Variants in FSTL5 observed in about 807,000 individuals in gnomAD.
FSTL5 encodes follistatin-related protein 5.
In FSTL5, 62 loss-of-function variants were observed where a neutral mutation model predicts 89.1. That is an observed-to-expected ratio of 0.70 (90% CI 0.57 to 0.86). The LOEUF is 0.86. Ranked by LOEUF, FSTL5 falls within the 40% of genes least tolerant of loss-of-function variation. The probability of loss-of-function intolerance (pLI) is 0.00; values close to 1 mark genes in which losing one functional copy is unlikely to be tolerated. For synonymous variants in FSTL5, 383 were observed against 346.2 expected, an observed-to-expected ratio of 1.11 and a Z score of -1.18; for missense variants, 1,057 against 1,001.6, an observed-to-expected ratio of 1.06 and a Z score of -0.75.
At chr4:162,138,436 G>A (rs1351255034) in intron 1 of FSTL5, among the ~76,000 whole-genome samples, 10 of 151,996 alleles carry the variant, frequency 6.6e-5, no homozygotes, top group Admixed American at 1.3e-4. Context: ...TAAAGTCAAC[G>A]TATGATAAAC....
At chr4:161,800,987 G>A (rs1729773581) in intron 4 of FSTL5, among the ~76,000 whole-genome samples, 1 of 151,500 alleles carries the variant, frequency 6.6e-6, no homozygotes, top group Non-Finnish European at 1.5e-5. Context: ...GAGTTTGGAA[G>A]TACTAGGAAC....
chr4:162,013,149 C>A (rs1359333402), intron 3 of FSTL5, among the ~76,000 whole-genome samples: 1 of 151,422 alleles, frequency 6.6e-6, no homozygotes, highest in Non-Finnish European at 1.5e-5. Context: ...TTGCACTGCA[C>A]ATTCCAGCCT....
rs151203693 is a variant in FSTL5 at position 161,800,115 on chromosome 4, C to A, written c.410-24041G>T. On this transcript the variant is annotated intron_variant, in intron 4 of 15. Transcript: ENST00000306100. ...TGTGGTAAGATTCCTTTCTCATCTT[C>A]ATCCTGACTGCTTAGTTCTAAGTTT... Among the ~76,000 whole-genome samples the A allele has an allele frequency of 4.0e-3, 605 of 151,780 alleles. 1 individual carries two copies. Among genetic ancestry groups the A allele is most frequent in the Middle Eastern group, 0.01 (3 of 294 alleles).
chr4:161,437,788 G>C (rs902677190), intron 15 of FSTL5, among the ~76,000 whole-genome samples: 4 of 152,086 alleles, frequency 2.6e-5, no homozygotes, highest in African/African-American at 9.7e-5. Flanking sequence ...ATGGTGGATG[G>C]ATTTTCCACA....
intron 10 of FSTL5, among the ~76,000 whole-genome samples, chr4:161,517,476 G>A (rs1730881365): frequency 6.6e-6 from 1 of 152,094 alleles, no homozygotes; most frequent in African/African-American, 2.4e-5. Flanking sequence ...ATGCCTGACA[G>A]GAGTGACTGA....
At chr4:161,778,371 A>G (rs1416206224) in intron 4 of FSTL5, among the ~76,000 whole-genome samples, 3 of 152,166 alleles carry the variant, frequency 2.0e-5, no homozygotes, top group Admixed American at 2.0e-4. Flanking sequence ...AAAAATCCTA[A>G]CTTTATAATT....
chr4:161,419,904 T>C (rs1033861561), intron 15 of FSTL5, among the ~76,000 whole-genome samples: 1 of 152,158 alleles, frequency 6.6e-6, no homozygotes, highest in African/African-American at 2.4e-5. Context: ...ACAATAACCA[T>C]TCAGCTGAAG....
chr4:161,693,774 G>T (rs1481899572), intron 6 of FSTL5, among the ~76,000 whole-genome samples: 1 of 151,474 alleles, frequency 6.6e-6, no homozygotes, highest in Non-Finnish European at 1.5e-5. Context: ...GAGTAGCTGG[G>T]ACTACAGGTG....
chr4:161,525,796 A>AAC (rs1232149047), intron 10 of FSTL5, among the ~76,000 whole-genome samples: 3 of 152,102 alleles, frequency 2.0e-5, no homozygotes, highest in African/African-American at 7.2e-5. Flanking sequence ...TTCATATCTC[A>AAC]CCAAGTCTTG....
intron 12 of FSTL5, among the ~76,000 whole-genome samples, chr4:161,499,358 C>A (rs907620530): frequency 6.6e-6 from 1 of 151,974 alleles, no homozygotes; most frequent in African/African-American, 2.4e-5. Context: ...TTTCTTTGTC[C>A]TACAAAATAT....
At chr4:161,704,504 T>A (rs1738504690) in intron 6 of FSTL5, among the ~76,000 whole-genome samples, 1 of 152,134 alleles carries the variant, frequency 6.6e-6, no homozygotes, top group African/African-American at 2.4e-5. Flanking sequence ...AGAACGTTAA[T>A]TTCTTAGAGG....
chr4:162,025,280 A>G (rs943980198), intron 3 of FSTL5, among the ~76,000 whole-genome samples: 4 of 152,178 alleles, frequency 2.6e-5, no homozygotes, highest in Non-Finnish European at 5.9e-5. Context: ...CTTGAACTCT[A>G]ATTTTAACAT....
chr4:161,719,611 T>A lies in FSTL5; in HGVS notation c.727+39800A>T, dbSNP rs28871569. ...CAATATTGATTCTTCCAATCCATGA[T>A]CACAAGATTCCTTTCCTTTTATGTG... On this transcript the variant is annotated intron_variant, in intron 6 of 15. Coordinates refer to ENST00000306100, the MANE Select transcript of FSTL5 (RefSeq NM_020116.5). Among the ~76,000 whole-genome samples the A allele has an allele frequency of 6.4e-3, 974 of 152,276 alleles. 11 individuals carry two copies. Among genetic ancestry groups the A allele is most frequent in the African/African-American group, 0.022 (903 of 41,570 alleles).
chr4:161,963,902 G>T (rs1399127579), intron 3 of FSTL5, among the ~76,000 whole-genome samples: 2 of 151,866 alleles, frequency 1.3e-5, no homozygotes, highest in African/African-American at 4.8e-5. Flanking sequence ...GAAACTGATT[G>T]TAATAGTGAT....
intron 12 of FSTL5, among the ~76,000 whole-genome samples, chr4:161,488,821 G>A (rs2126465931): frequency 6.6e-6 from 1 of 152,096 alleles, no homozygotes; most frequent in East Asian, 1.9e-4. Flanking sequence ...AAATGTTTTG[G>A]AAGGAAGTTT....
chr4:161,499,632 A>G (rs551428246), intron 12 of FSTL5, among the ~76,000 whole-genome samples: 136 of 152,310 alleles, frequency 8.9e-4, no homozygotes, highest in African/African-American at 3.2e-3. Flanking sequence ...CATCTAATAT[A>G]CACCAGCTTC....
intron 2 of FSTL5, among the ~76,000 whole-genome samples, chr4:162,084,254 CTTA>C (rs1730217482): frequency 6.6e-6 from 1 of 151,816 alleles, no homozygotes; most frequent in African/African-American, 2.4e-5. Context: ...CTATACAATA[CTTA>C]TTGTTAAATA....
intron 13 of FSTL5, among the ~76,000 whole-genome samples, chr4:161,461,288 C>CAAAAAAAAAAAAAAAA (rs781313697): frequency 2.8e-5 from 2 of 72,650 alleles, no homozygotes; most frequent in African/African-American, 6.7e-5. Flanking sequence ...ACTAAAAATA[C>CAAAAAAAAAAAAAAAA]AAAAAAAACA....
At chr4:161,766,469 T>C (rs1228122010) in intron 5 of FSTL5, among the ~76,000 whole-genome samples, 1 of 152,184 alleles carries the variant, frequency 6.6e-6, no homozygotes, top group East Asian at 1.9e-4. Context: ...TTGTATTTCA[T>C]ACCGTGGTTT....
Sources: gnomAD v4.1 joint callset for allele counts (sites outside exome capture counted in the v4.1 genomes callset) on GRCh38, gnomAD v4.1.1 for gene constraint, MANE v1.5 for transcripts, NCBI Gene and HGNC (gene_info 2026-07-23, HGNC 2026-07-21) for gene names.